CSMD1: variants seen among roughly 807,000 people sequenced by gnomAD.
CSMD1 encodes CUB and Sushi multiple domains 1, also known as CUB and sushi domain-containing protein 1.
Under a neutral mutation model 417.5 loss-of-function variants are expected in CSMD1, and 213 were observed. The observed-to-expected ratio is 0.51, with a 90% CI of 0.46 to 0.57. The LOEUF (loss-of-function observed/expected upper bound fraction) is 0.57. Among genes scored for constraint, CSMD1 ranks in the 20% least tolerant of loss-of-function variants. CSMD1 has a pLI of 0.00. For missense variants in CSMD1, 6,923 were observed against 4,529.7 expected, an observed-to-expected ratio of 1.53 and a Z score of -15.17; for synonymous variants, 2,862 against 1,736.8, an observed-to-expected ratio of 1.65 and a Z score of -16.11.
At chr8:3,286,657 C>G (rs903434098) in intron 25 of CSMD1, among the ~76,000 whole-genome samples, 4 of 135,966 alleles carry the variant, frequency 2.9e-5, no homozygotes, top group Non-Finnish European at 6.9e-5. Context: ...ATCCTTCACC[C>G]ACTTATTGAA....
intron 3 of CSMD1, among the ~76,000 whole-genome samples, chr8:4,372,335 TGAA>T (rs1319005336): frequency 6.6e-6 from 1 of 152,164 alleles, no homozygotes; most frequent in Non-Finnish European, 1.5e-5. Flanking sequence ...GCATTAAAAG[TGAA>T]GGAGGAACGC....
Position 4,461,175 on chromosome 8 carries a change from G to C in CSMD1, c.303-41110C>G, listed in dbSNP as rs903401972. On this transcript the variant is annotated intron_variant, in intron 2 of 69. Transcript: ENST00000635120. ...CTGATTGTCTTACCAGATAAAAAGT[G>C]ACAAAATTCAACATTCTTTGATGAT... 2.5e-5 allele frequency among the ~76,000 whole-genome samples: 3 copies of C among 120,588 alleles called. No homozygotes were observed. The Admixed American group carries it at 2.5e-4, about 10-fold the overall frequency. The allele number at this position is 120,588 out of a possible 152,430, so 79.1% of individuals were successfully genotyped here. A position where few individuals can be genotyped will look rare whatever the true frequency, so the allele number is the denominator to read the frequency against.
At chr8:3,077,261 A>G (rs1215367081) in intron 49 of CSMD1, among the ~76,000 whole-genome samples, 1 of 152,190 alleles carries the variant, frequency 6.6e-6, no homozygotes, top group African/African-American at 2.4e-5. Flanking sequence ...AAATCAAAGT[A>G]AGAAATGCCA....
At chr8:4,555,406 G>T (rs1055912970) in intron 2 of CSMD1, among the ~76,000 whole-genome samples, 4 of 152,128 alleles carry the variant, frequency 2.6e-5, no homozygotes, top group Admixed American at 1.3e-4. Context: ...CCTCTCCAGC[G>T]CAGGTGCATG....
intron 5 of CSMD1, among the ~76,000 whole-genome samples, chr8:3,819,404 A>T (rs1250187579): frequency 6.6e-6 from 1 of 152,132 alleles, no homozygotes; most frequent in Non-Finnish European, 1.5e-5. Flanking sequence ...TCAAGTTTAC[A>T]TTAATATTTT....
chr8:4,371,785 T>G (rs1167353224), intron 3 of CSMD1, among the ~76,000 whole-genome samples: 1 of 152,240 alleles, frequency 6.6e-6, no homozygotes, highest in Non-Finnish European at 1.5e-5. Flanking sequence ...ATATTGTTTT[T>G]TAATTCATGT....
intron 1 of CSMD1, among the ~76,000 whole-genome samples, chr8:4,835,633 T>C (rs566914118): frequency 6.6e-6 from 1 of 152,298 alleles, no homozygotes; most frequent in Admixed American, 6.5e-5. Flanking sequence ...ATTGCTCAGG[T>C]GATGAAATGA....
chr8:3,308,315 T>C lies in CSMD1; in HGVS notation c.3820A>G (p.Ile1274Val), dbSNP rs1423130922. The change falls in exon 24 of 70, where the codon ATA becomes GTA. Residue 1274 changes from isoleucine (I) to valine (V), a missense_variant. Coordinates refer to ENST00000635120, the MANE Select transcript of CSMD1 (RefSeq NM_033225.6). ...RVWDKPLPSC[I>V]AECGGQIHAA... ...GTATGACTGCTTCCACACTCACCTA[T>C]GCACGAAGGTAGTGGTTTGTCCCAC... The C allele has an allele frequency of 6.2e-7, 1 of 1,605,042 alleles. No homozygotes were observed.
At chr8:4,770,132 T>C (rs1344659229) in intron 1 of CSMD1, among the ~76,000 whole-genome samples, 1 of 151,270 alleles carries the variant, frequency 6.6e-6, no homozygotes. Context: ...ACAATACCCA[T>C]AGTACCAGAA....
intron 20 of CSMD1, among the ~76,000 whole-genome samples, chr8:3,361,419 G>C (rs758617902): frequency 2.0e-5 from 3 of 151,848 alleles, no homozygotes; most frequent in Non-Finnish European, 2.9e-5. Context: ...ATGAGGTCAG[G>C]AGTTTGAGAC....
chr8:4,403,426 C>T (rs1418541631), intron 3 of CSMD1, among the ~76,000 whole-genome samples: 1 of 152,162 alleles, frequency 6.6e-6, no homozygotes, highest in Non-Finnish European at 1.5e-5. Flanking sequence ...AAGAGTTTCA[C>T]ACCTGCCATT....
chr8:3,344,915 C>G lies in CSMD1; in HGVS notation c.3475-1465G>C, dbSNP rs551759151. The stretch of plus-strand genomic sequence containing the variant: ...TCTCCTTACTAAAAGACTATTGACC[C>G]AGGTCATTGTGTAAAAACCATTATT... On this transcript the variant is annotated intron_variant, in intron 22 of 69. Transcript: ENST00000635120. 3.3e-4 allele frequency among the ~76,000 whole-genome samples: 51 copies of G among 152,246 alleles called. No individual in the cohort carries two copies. The East Asian group carries it at 5.4e-3, about 16-fold the overall frequency.
chr8:3,009,669 C>A (rs991552220), intron 52 of CSMD1, among the ~76,000 whole-genome samples: 6 of 152,112 alleles, frequency 3.9e-5, no homozygotes, highest in African/African-American at 1.4e-4. Flanking sequence ...CCTCCAAGTG[C>A]AATCTCTAGG....
chr8:4,070,436 C>T (rs1011028815), intron 3 of CSMD1, among the ~76,000 whole-genome samples: 2 of 152,132 alleles, frequency 1.3e-5, no homozygotes, highest in Admixed American at 6.5e-5. Flanking sequence ...CGGCTCACTG[C>T]AAGCTCCGCC....
intron 6 of CSMD1, among the ~76,000 whole-genome samples, chr8:3,752,205 C>A (rs541797238): frequency 6.6e-6 from 1 of 152,030 alleles, no homozygotes; most frequent in Non-Finnish European, 1.5e-5. Flanking sequence ...AAAGGAGGAT[C>A]GGCCTGGCCT....
intron 2 of CSMD1, among the ~76,000 whole-genome samples, chr8:4,506,393 G>T (rs2130313875): frequency 6.6e-6 from 1 of 152,160 alleles, no homozygotes; most frequent in South Asian, 2.1e-4. Context: ...GTGCAAAGGG[G>T]AGAGAGAGAA....
chr8:3,768,375 A>G (rs546076133), intron 5 of CSMD1, among the ~76,000 whole-genome samples: 95 of 152,322 alleles, frequency 6.2e-4, no homozygotes, highest in Non-Finnish European at 1.1e-3. Context: ...CCAAACACCC[A>G]GCCTTTAAGG....
At chr8:4,423,926 C>A (rs913581049) in intron 2 of CSMD1, among the ~76,000 whole-genome samples, 1 of 151,998 alleles carries the variant, frequency 6.6e-6, no homozygotes, top group Non-Finnish European at 1.5e-5. Context: ...GAACAAATAT[C>A]TCCAATTTAT....
At chr8:4,650,176 T>C (rs1183120730) in intron 1 of CSMD1, among the ~76,000 whole-genome samples, 1 of 151,630 alleles carries the variant, frequency 6.6e-6, no homozygotes, top group Non-Finnish European at 1.5e-5. Context: ...AAACCCCGTC[T>C]CTAATAAAAA....
Sources: gnomAD v4.1 joint callset for allele counts (sites outside exome capture counted in the v4.1 genomes callset) on GRCh38, gnomAD v4.1.1 for gene constraint, MANE v1.5 for transcripts, NCBI Gene and HGNC (gene_info 2026-07-23, HGNC 2026-07-21) for gene names.